HPGDS: variants seen among roughly 807,000 people sequenced by gnomAD.
The protein encoded by HPGDS is GST class-sigma.
Under a neutral mutation model 23.1 loss-of-function variants are expected in HPGDS, and 26 were observed. The ratio of observed to expected loss-of-function variants is 1.13; its 90% CI spans 0.83 to 1.56. The LOEUF (loss-of-function observed/expected upper bound fraction) is 1.56, where lower values mean the gene tolerates loss of function less well. Among genes scored for constraint, HPGDS ranks in the 40% most tolerant of loss-of-function variants. The pLI is 0.00. For synonymous variants in HPGDS, 95 were observed against 77.9 expected (o/e 1.22, Z -1.16); for missense variants, 268 against 236.4 (o/e 1.13, Z -0.88).
intron 1 of HPGDS, among the ~76,000 whole-genome samples, chr4:94,340,762 G>A (rs1325610648): frequency 2.1e-5 from 3 of 141,786 alleles, no homozygotes; most frequent in Non-Finnish European, 3.0e-5. Flanking sequence ...GGGTTCAAGC[G>A]ATTCTCCTGC....
At position 94,308,643 on chromosome 4, in the gene HPGDS, T is replaced by G. The variant is rs755478858; in HGVS notation, c.327A>C (p.Gln109His). 1 of 1,571,536 alleles carries G rather than the reference T, an allele frequency of 6.4e-7. No homozygotes were observed. Among genetic ancestry groups the G allele is most frequent in the Non-Finnish European group, 8.7e-7 (1 of 1,143,508 alleles). Residue 109 changes from glutamine to histidine, a missense_variant, in exon 4 of 6, where the codon CAA (glutamine) becomes CAC (histidine). By Grantham distance (24) the Gln-to-His change is conservative. Coordinates refer to ENST00000295256, the MANE Select transcript of HPGDS (RefSeq NM_014485.3). ...AAATGGATCACATTACTTTCACATC[T>G]TGCTTTTTCTCTGCCCAAGGAAAAC... ...MSCFPWAEKKQDVKEQMFNEL... is the reference protein window; with the variant it reads ...MSCFPWAEKKHDVKEQMFNEL...
intron 3 of HPGDS, among the ~76,000 whole-genome samples, chr4:94,316,667 C>T (rs1756404414): frequency 6.6e-6 from 1 of 152,212 alleles, no homozygotes; most frequent in Non-Finnish European, 1.5e-5. Context: ...CATTCTTCTT[C>T]TCATGCCATT....
chr4:94,320,528 T>C (rs1756481939), intron 2 of HPGDS, among the ~76,000 whole-genome samples: 1 of 152,236 alleles, frequency 6.6e-6, no homozygotes, highest in African/African-American at 2.4e-5. Context: ...ACGAGCATTT[T>C]TTCATGTGTC....
In HPGDS at chr4:94,319,367, TA is replaced by T. The variant is rs1756459089; in HGVS notation, c.134-1403del. The stretch of plus-strand genomic sequence containing the variant: ...GCTTTTGGTTCCTGTTTTTATGGAA[TA>T]TTTTTTTCCATTCCTTCATTTTTAG... On this transcript the variant is annotated intron_variant, in intron 2 of 5. Transcript: ENST00000295256. Among the ~76,000 whole-genome samples the T allele has an allele frequency of 2.0e-4, 30 of 152,346 alleles. No individual in the cohort carries two copies. The South Asian group carries it at 6.0e-3, about 30-fold the overall frequency.
rs75884182 is a variant in HPGDS, at chr4:94,306,729, T to C, written c.336+1905A>G. On this transcript the variant is annotated intron_variant, in intron 4 of 5. Coordinates refer to ENST00000295256, the MANE Select transcript of HPGDS (RefSeq NM_014485.3). ...AATTTAGAAGCACAATATCAGAAATTTAGAACTCAAGGACTGATGAGAAAT... is the reference window on the plus strand; with the variant it reads ...AATTTAGAAGCACAATATCAGAAATCTAGAACTCAAGGACTGATGAGAAAT... Among the ~76,000 whole-genome samples, 1,018 of 152,108 alleles carry C rather than the reference T, an allele frequency of 6.7e-3. 6 individuals carry two copies. The highest frequency in any genetic ancestry group is 0.054 in the Middle Eastern group (16 of 294).
chr4:94,302,014 G>A (rs1032339381), intron 5 of HPGDS, 132 bp downstream of exon 5: 1 of 493,798 alleles, frequency 2.0e-6, no homozygotes, highest in Non-Finnish European at 3.7e-6. Context: ...TTTATTTAAA[G>A]AAGTTTAACC....
chr4:94,325,682 G>A (rs959591545), intron 2 of HPGDS, among the ~76,000 whole-genome samples: 5 of 152,200 alleles, frequency 3.3e-5, no homozygotes, highest in African/African-American at 4.8e-5. Flanking sequence ...TCCAGATACA[G>A]TCTGTCATGG....
intron 2 of HPGDS, among the ~76,000 whole-genome samples, chr4:94,325,870 A>C (rs550309391): frequency 4.6e-5 from 7 of 152,266 alleles, no homozygotes; most frequent in African/African-American, 1.4e-4. Context: ...TGCATCAGTC[A>C]CGCTGGGAGC....
intron 2 of HPGDS, among the ~76,000 whole-genome samples, chr4:94,323,193 A>G (rs919491961): frequency 1.3e-5 from 2 of 152,150 alleles, no homozygotes; most frequent in African/African-American, 4.8e-5. Context: ...CTATGTGGTC[A>G]ATTTTGGAAT....
chr4:94,306,574 T>A lies in HPGDS; in HGVS notation c.336+2060A>T, dbSNP rs930008068. Among the ~76,000 whole-genome samples, 4 of 152,082 alleles carry A rather than the reference T, an allele frequency of 2.6e-5. No homozygotes were observed. In the South Asian group the frequency reaches 8.3e-4, roughly 32 times the overall value. The stretch of plus-strand genomic sequence containing the variant: ...GTCTAGAACTGGGGTTAAGGAGGTT[T>A]GGGAGGGGATAAAATGAGGATTGGT... On this transcript the variant is annotated intron_variant, in intron 4 of 5. Coordinates refer to ENST00000295256, the MANE Select transcript of HPGDS (RefSeq NM_014485.3).
chr4:94,337,862 C>A (rs1721056534), intron 1 of HPGDS, among the ~76,000 whole-genome samples: 3 of 152,162 alleles, frequency 2.0e-5, no homozygotes, highest in South Asian at 4.1e-4. Context: ...GTAAAGAAGA[C>A]ATTTAAAAAT....
At chr4:94,340,305 CTTTCTCTTTTTTTTTTTTTTTTTTTTTTT>C (rs1560597972) in intron 1 of HPGDS, among the ~76,000 whole-genome samples, 4,624 of 26,192 alleles carry the variant, frequency 0.18, 294 homozygotes, top group Non-Finnish European at 0.25. Flanking sequence ...TTCTTTCTTT[CTTTCTCTTTTTTTTTTTTTTTTTTTTTTT>C]TTTTTTTTTT....
intron 4 of HPGDS, 142 bp downstream of exon 4, chr4:94,308,492 T>G: frequency 2.0e-6 from 1 of 495,768 alleles, no homozygotes; most frequent in Non-Finnish European, 3.6e-6. Context: ...TGCTGTACTT[T>G]ATTTTAAACT....
At chr4:94,323,323 CCTT>C (rs1269572345) in intron 2 of HPGDS, among the ~76,000 whole-genome samples, 1 of 152,030 alleles carries the variant, frequency 6.6e-6, no homozygotes, top group African/African-American at 2.4e-5. Flanking sequence ...TCATTGTTAA[CCTT>C]CTTTCTCATT....
At chr4:94,339,798 G>A (rs1428685384) in intron 1 of HPGDS, among the ~76,000 whole-genome samples, 2 of 152,070 alleles carry the variant, frequency 1.3e-5, no homozygotes, top group Non-Finnish European at 1.5e-5. Flanking sequence ...TGTCATGGGA[G>A]GGACCCGGTG....
intron 4 of HPGDS, among the ~76,000 whole-genome samples, chr4:94,303,099 TTAAGA>T (rs1462441559): frequency 1.3e-5 from 2 of 152,174 alleles, no homozygotes; most frequent in African/African-American, 4.8e-5. Context: ...CCAACCTTTA[TTAAGA>T]TAAGTCAGAT....
chr4:94,313,393 A>T (rs1005211388), intron 3 of HPGDS, among the ~76,000 whole-genome samples: 1 of 152,148 alleles, frequency 6.6e-6, no homozygotes, highest in Non-Finnish European at 1.5e-5. Flanking sequence ...TCCTTCACTT[A>T]TGAAGCTTAG....
intron 4 of HPGDS, among the ~76,000 whole-genome samples, chr4:94,307,855 G>A (rs566500574): frequency 1.3e-5 from 2 of 152,220 alleles, no homozygotes; most frequent in East Asian, 3.9e-4. Flanking sequence ...ACAGTTCTGT[G>A]CATTATTTGC....
chr4:94,335,901 G>A (rs954789377), intron 1 of HPGDS, among the ~76,000 whole-genome samples: 4 of 152,032 alleles, frequency 2.6e-5, no homozygotes, highest in Non-Finnish European at 5.9e-5. Context: ...TCAAAACAAA[G>A]TTTCATCAAA....
Sources: allele counts gnomAD v4.1 joint callset (sites outside exome capture counted in the v4.1 genomes callset), GRCh38; gene constraint gnomAD v4.1.1; transcripts MANE v1.5; gene names NCBI Gene and HGNC (gene_info 2026-07-23, HGNC 2026-07-21).